The following SLC31A1 variants were observed in gnomAD, a reference collection of about 807,000 sequenced individuals.
The protein encoded by SLC31A1 is solute carrier family 31 member 1.
In SLC31A1, 5 loss-of-function variants were observed where a neutral mutation model predicts 17.2. That is an observed-to-expected ratio of 0.29 (90% CI 0.15 to 0.61). The LOEUF is 0.61. Ranked by LOEUF, SLC31A1 falls within the 20% of genes least tolerant of loss-of-function variation. The probability of loss-of-function intolerance (pLI) is 0.86; values close to 1 mark genes in which losing one functional copy is unlikely to be tolerated. For missense variants in SLC31A1, 161 were observed against 241.4 expected (o/e 0.67, Z 2.21); for synonymous variants, 76 against 78.8 (o/e 0.96, Z 0.19).
intron 1 of SLC31A1, among the ~76,000 whole-genome samples, chr9:113,226,292 G>C (rs1831341932): frequency 6.6e-6 from 1 of 151,894 alleles, no homozygotes; most frequent in Admixed American, 6.6e-5. Context: ...GGAGGGAAGG[G>C]GTAGGGGGTT....
chr9:113,229,037 C>A (rs10123415), intron 1 of SLC31A1, among the ~76,000 whole-genome samples: 53 of 152,062 alleles, frequency 3.5e-4, no homozygotes, highest in African/African-American at 1.1e-3. Flanking sequence ...GTAGAGATGG[C>A]GTTTCTCCAT....
chr9:113,257,173 A>C lies in SLC31A1; in HGVS notation c.190A>C (p.Asn64His), dbSNP rs1353367611. ...VELLFSGLVI[N>H]TAGEMAGAFV... ...ACTACTGTTTTCCGGTTTGGTGATC[A>C]ATACAGCTGGAGGTGAGTAAGCCAT... Residue 64 changes from asparagine (N) to histidine (H), a missense_variant, in exon 3 of 5, where the codon AAT (asparagine) becomes CAT (histidine). By Grantham distance (68) the Asn-to-His change is moderately conservative (BLOSUM62 1). Transcript: ENST00000374212. 4.3e-6 allele frequency: 7 copies of C among 1,613,554 alleles called. No homozygotes were observed. Among genetic ancestry groups the C allele is most frequent in the African/African-American group, 2.7e-5 (2 of 74,906 alleles).
chr9:113,235,846 T>C (rs893242049), intron 1 of SLC31A1, among the ~76,000 whole-genome samples: 5 of 152,238 alleles, frequency 3.3e-5, no homozygotes, highest in Admixed American at 2.6e-4. Flanking sequence ...GCAAGGTGCC[T>C]CTCAGAGCAG....
At chr9:113,249,406 G>A (rs1564214764) in intron 1 of SLC31A1, among the ~76,000 whole-genome samples, 1 of 143,860 alleles carries the variant, frequency 7.0e-6, no homozygotes, top group Non-Finnish European at 1.5e-5. Flanking sequence ...TGCTCTCATT[G>A]CCCAGGCTGG....
chr9:113,224,708 G>T (rs191637104), intron 1 of SLC31A1, among the ~76,000 whole-genome samples: 8 of 152,226 alleles, frequency 5.3e-5, no homozygotes, highest in African/African-American at 1.9e-4. Context: ...GATTAGAGGC[G>T]TGGGCCAACG....
rs1173937099 is a variant in SLC31A1 at position 113,260,857 on chromosome 9, G to A, written c.*384G>A. On this transcript the variant is annotated 3_prime_UTR_variant, in exon 5 of 5. Transcript: ENST00000374212. ...TAACAGATAGTAAGTAAATTTGGTG[G>A]TTTTTTCCCCTGGGTCAGTGATGGA... 5 of 314,354 alleles carry A rather than the reference G, an allele frequency of 1.6e-5. No homozygotes were observed. The highest frequency in any genetic ancestry group is 2.5e-5 in the Non-Finnish European group (4 of 161,060). The allele number at this position is 314,354 out of a possible 1,614,324, so 19.5% of individuals were successfully genotyped here.
intron 1 of SLC31A1, among the ~76,000 whole-genome samples, chr9:113,225,087 G>A (rs1033978760): frequency 1.3e-5 from 2 of 152,132 alleles, no homozygotes; most frequent in Non-Finnish European, 2.9e-5. Context: ...TCAGTAATAA[G>A]CACAACTGGC....
At chr9:113,240,773 G>T (rs970588277) in intron 1 of SLC31A1, among the ~76,000 whole-genome samples, 1 of 152,188 alleles carries the variant, frequency 6.6e-6, no homozygotes, top group African/African-American at 2.4e-5. Context: ...TGAGGGGCCA[G>T]GCACGGTGGC....
chr9:113,256,942 T>C (rs576397393), intron 2 of SLC31A1, among the ~76,000 whole-genome samples, 171 bp from the exon 3 acceptor site: 21 of 151,728 alleles, frequency 1.4e-4, no homozygotes, highest in Non-Finnish European at 1.5e-5. Flanking sequence ...AGAATACTCA[T>C]GCTCGGTGCC....
intron 1 of SLC31A1, among the ~76,000 whole-genome samples, chr9:113,240,768 G>A (rs1344632308): frequency 1.3e-5 from 2 of 152,090 alleles, no homozygotes; most frequent in African/African-American, 4.8e-5. Context: ...TTTATTGAGG[G>A]GCCAGGCACG....
In SLC31A1 at chr9:113,221,674, G is replaced by A. The variant is rs186968371; in HGVS notation, c.-40G>A. On this transcript the variant is annotated 5_prime_UTR_variant, in exon 1 of 5. Coordinates refer to ENST00000374212, the MANE Select transcript of SLC31A1 (RefSeq NM_001859.4). ...GGTGCTAGTGGCTGGACTTGACCTG[G>A]AAAGGTAAGGCTTCTCTCGGCCCCT... 7.9e-4 allele frequency: 247 copies of A among 313,554 alleles called. 2 individuals are homozygous for A. The highest frequency in any genetic ancestry group is 5.2e-3 in the African/African-American group (239 of 46,250). 19.4% of individuals were successfully genotyped at this position (313,554 alleles called of 1,614,324 possible). A position where few individuals can be genotyped will look rare whatever the true frequency, so the allele number is the denominator to read the frequency against.
At chr9:113,247,229 G>A (rs1007778252) in intron 1 of SLC31A1, among the ~76,000 whole-genome samples, 1 of 152,062 alleles carries the variant, frequency 6.6e-6, no homozygotes, top group Non-Finnish European at 1.5e-5. Flanking sequence ...TTTGTTTAAT[G>A]TTTTCACAAA....
At position 113,260,997 on chromosome 9, in the gene SLC31A1, A is replaced by G. The variant is rs1587998127; in HGVS notation, c.*524A>G. The G allele has an allele frequency of 1.4e-5, 3 of 216,346 alleles. No homozygotes were observed. Among genetic ancestry groups the G allele is most frequent in the Non-Finnish European group, 2.8e-5 (3 of 106,694 alleles). 13.4% of individuals were successfully genotyped at this position (216,346 alleles called of 1,614,324 possible). A position where few individuals can be genotyped will look rare whatever the true frequency, so the allele number is the denominator to read the frequency against. The stretch of plus-strand genomic sequence containing the variant: ...GGTCCAGGGCCGGACACAGTGGCCC[A>G]TGCCTGTAATCCCAGCACTTTGGGG... On this transcript the variant is annotated 3_prime_UTR_variant, in exon 5 of 5. Coordinates refer to ENST00000374212, the MANE Select transcript of SLC31A1 (RefSeq NM_001859.4).
In SLC31A1 at chr9:113,221,588, A is replaced by G. The variant is rs1211530001; in HGVS notation, c.-126A>G. The G allele has an allele frequency of 2.4e-6, 1 of 425,524 alleles. No individual in the cohort carries two copies. Among genetic ancestry groups the G allele is most frequent in the Non-Finnish European group, 4.4e-6 (1 of 225,500 alleles). 26.4% of individuals were successfully genotyped at this position (425,524 alleles called of 1,614,324 possible). A position where few individuals can be genotyped will look rare whatever the true frequency, so the allele number is the denominator to read the frequency against. On this transcript the variant is annotated 5_prime_UTR_variant, in exon 1 of 5. Coordinates refer to ENST00000374212, the MANE Select transcript of SLC31A1 (RefSeq NM_001859.4). ...CGGTGGTGGACACGTCGAGCCGGGTAGAAGTGGAGGGGCCGTTCGAAGAGT... is the reference window on the plus strand; with the variant it reads ...CGGTGGTGGACACGTCGAGCCGGGTGGAAGTGGAGGGGCCGTTCGAAGAGT...
chr9:113,228,849 T>C (rs948289145), intron 1 of SLC31A1, among the ~76,000 whole-genome samples: 2 of 148,910 alleles, frequency 1.3e-5, no homozygotes, highest in African/African-American at 5.1e-5. Context: ...TTGATGATAC[T>C]TTTTTTTTTC....
chr9:113,247,873 G>T (rs1434290984), intron 1 of SLC31A1, among the ~76,000 whole-genome samples: 1 of 152,148 alleles, frequency 6.6e-6, no homozygotes, highest in Non-Finnish European at 1.5e-5. Context: ...CCTAACTGAA[G>T]ATAAATGTTC....
chr9:113,238,071 T>A (rs1046686461), intron 1 of SLC31A1, among the ~76,000 whole-genome samples: 1 of 152,226 alleles, frequency 6.6e-6, no homozygotes, highest in Non-Finnish European at 1.5e-5. Context: ...ATTATCTTAT[T>A]TGAATCATAT....
intron 1 of SLC31A1, among the ~76,000 whole-genome samples, chr9:113,253,115 G>A (rs1272460551): frequency 6.6e-6 from 1 of 151,794 alleles, no homozygotes; most frequent in African/African-American, 2.4e-5. Context: ...CACCATGCCC[G>A]GCTAATTTTT....
At chr9:113,235,082 A>C (rs1278952369) in intron 1 of SLC31A1, among the ~76,000 whole-genome samples, 1 of 152,228 alleles carries the variant, frequency 6.6e-6, no homozygotes, top group Non-Finnish European at 1.5e-5. Flanking sequence ...AGATATTTGC[A>C]ATGTGTGTGA....
Sources: gnomAD v4.1 joint callset for allele counts (sites outside exome capture counted in the v4.1 genomes callset) on GRCh38, gnomAD v4.1.1 for gene constraint, MANE v1.5 for transcripts, NCBI Gene and HGNC (gene_info 2026-07-23, HGNC 2026-07-21) for gene names.